Variants in FBXL20 observed in about 807,000 individuals in gnomAD.
FBXL20 encodes the protein F-box and leucine rich repeat protein 20, also known as F-box/LRR-repeat protein 20.
Under a neutral mutation model 64.0 loss-of-function variants are expected in FBXL20, and 11 were observed. That is an observed-to-expected ratio of 0.17 (90% CI 0.11 to 0.28). The LOEUF (loss-of-function observed/expected upper bound fraction) is 0.28, where lower values mean the gene tolerates loss of function less well. Among genes scored for constraint, FBXL20 ranks in the 10% least tolerant of loss-of-function variants. The pLI is 1.00. For synonymous variants in FBXL20, 184 were observed against 189.0 expected (o/e 0.97, Z 0.22); for missense variants, 303 against 526.2 (o/e 0.58, Z 4.15).
intron 9 of FBXL20, among the ~76,000 whole-genome samples, 164 bp downstream of exon 9, chr17:39,281,219 GGAATGA>G (rs766371284): frequency 2.0e-5 from 3 of 152,116 alleles, no homozygotes; most frequent in Non-Finnish European, 4.4e-5. Flanking sequence ...AAGGCCCCTA[GGAATGA>G]GTATTGTTAA....
intron 1 of FBXL20, among the ~76,000 whole-genome samples, chr17:39,383,885 G>A (rs1367730152): frequency 2.0e-5 from 3 of 150,706 alleles, no homozygotes; most frequent in South Asian, 4.2e-4. Context: ...CCACCGTGCC[G>A]GGCTACTTTG....
At chr17:39,365,911 C>T (rs188497063) in intron 1 of FBXL20, among the ~76,000 whole-genome samples, 14 of 152,312 alleles carry the variant, frequency 9.2e-5, no homozygotes, top group African/African-American at 3.4e-4. Flanking sequence ...CTCCTCCTTC[C>T]TCCATTTCCC....
At chr17:39,334,443 G>A (rs901671718) in intron 2 of FBXL20, among the ~76,000 whole-genome samples, 2 of 147,884 alleles carry the variant, frequency 1.4e-5, no homozygotes, top group Non-Finnish European at 1.5e-5. Context: ...CCCCCTCTCC[G>A]AGAAACACCC....
rs190723937 is a variant in FBXL20, at chr17:39,253,259, C to T, written c.*8201G>A. 646 of 152,490 alleles carry T rather than the reference C, an allele frequency of 4.2e-3. 21 individuals carry two copies. Among genetic ancestry groups the T allele is most frequent in the Non-Finnish European group, 8.8e-4 (60 of 68,084 alleles). 9.4% of individuals were successfully genotyped at this position (152,490 alleles called of 1,614,324 possible). Reference sequence around the variant, plus strand: ...AGTCCTCACAGTTCTCTGAGCTCTGCACAGGCCACATTATTCGGATCTGTA... The same window carrying T: ...AGTCCTCACAGTTCTCTGAGCTCTGTACAGGCCACATTATTCGGATCTGTA... On this transcript the variant is annotated 3_prime_UTR_variant, in exon 15 of 15. Transcript: ENST00000264658.
intron 1 of FBXL20, among the ~76,000 whole-genome samples, chr17:39,355,082 C>CCA (rs2047722832): frequency 6.6e-6 from 1 of 152,168 alleles, no homozygotes; most frequent in Non-Finnish European, 1.5e-5. Flanking sequence ...TAGGCATGCG[C>CCA]CACCATGCCC....
chr17:39,336,488 TAGAAC>T (rs1196693865), intron 2 of FBXL20, among the ~76,000 whole-genome samples: 1 of 152,080 alleles, frequency 6.6e-6, no homozygotes, highest in East Asian at 1.9e-4. Context: ...TAACTATAAA[TAGAAC>T]AGATGGGAAA....
chr17:39,388,463 A>C (rs2048102865), intron 1 of FBXL20, among the ~76,000 whole-genome samples: 2 of 151,792 alleles, frequency 1.3e-5, no homozygotes, highest in Admixed American at 1.3e-4. Context: ...CTGTCTCAAA[A>C]AAAAAAAGTT....
chr17:39,366,808 A>G (rs2047864193), intron 1 of FBXL20, among the ~76,000 whole-genome samples: 1 of 151,172 alleles, frequency 6.6e-6, no homozygotes, highest in African/African-American at 2.4e-5. Context: ...AGCTTTTAGT[A>G]TATTCTCTTT....
At chr17:39,323,215 C>T (rs903319698) in intron 2 of FBXL20, among the ~76,000 whole-genome samples, 1 of 151,866 alleles carries the variant, frequency 6.6e-6, no homozygotes, top group African/African-American at 2.4e-5. Flanking sequence ...GTGATCCGCC[C>T]GCCTCGGCCT....
At chr17:39,364,836 C>A (rs930805347) in intron 1 of FBXL20, among the ~76,000 whole-genome samples, 6 of 152,062 alleles carry the variant, frequency 3.9e-5, no homozygotes, top group African/African-American at 1.4e-4. Flanking sequence ...ACACGTAAGC[C>A]CCACTCAAGT....
At position 39,260,894 on chromosome 17, in the gene FBXL20, G is replaced by A. The variant is rs2046739608; in HGVS notation, c.*566C>T. On this transcript the variant is annotated 3_prime_UTR_variant, in exon 15 of 15. Transcript: ENST00000264658. Reference sequence around the variant, plus strand: ...CTCTGGGCCAAATACTAAAACACAGGAGGAATGGACGAGCCTTCTTTGTGA... The same window carrying A: ...CTCTGGGCCAAATACTAAAACACAGAAGGAATGGACGAGCCTTCTTTGTGA... 6.4e-6 allele frequency: 1 copy of A among 155,818 alleles called. No homozygotes were observed. The highest frequency in any genetic ancestry group is 6.2e-5 in the Admixed American group (1 of 16,002). 9.7% of individuals were successfully genotyped at this position (155,818 alleles called of 1,614,324 possible). A position where few individuals can be genotyped will look rare whatever the true frequency, so the allele number is the denominator to read the frequency against.
At chr17:39,323,238 G>T (rs1345561920) in intron 2 of FBXL20, among the ~76,000 whole-genome samples, 1 of 152,008 alleles carries the variant, frequency 6.6e-6, no homozygotes, top group Non-Finnish European at 1.5e-5. Flanking sequence ...CAAAGTGCTG[G>T]GATTACAGGT....
intron 1 of FBXL20, among the ~76,000 whole-genome samples, chr17:39,368,515 AC>A (rs1282637133): frequency 6.6e-6 from 1 of 152,158 alleles, no homozygotes; most frequent in African/African-American, 2.4e-5. Context: ...TCTCTTTCCT[AC>A]CAAGTCCTGA....
chr17:39,297,943 G>T (rs955748677), intron 5 of FBXL20, among the ~76,000 whole-genome samples: 1 of 151,966 alleles, frequency 6.6e-6, no homozygotes, highest in Non-Finnish European at 1.5e-5. Context: ...CACCATGTTG[G>T]TCAGGCTGGT....
chr17:39,401,968 G>T (rs1273680401), upstream of FBXL20: 3 of 452,270 alleles, frequency 6.6e-6, no homozygotes, highest in Non-Finnish European at 1.1e-5. Context: ...GCGAGGGAGA[G>T]TAGAGCAGTA....
At chr17:39,384,690 C>T (rs1320153959) in intron 1 of FBXL20, among the ~76,000 whole-genome samples, 4 of 152,094 alleles carry the variant, frequency 2.6e-5, no homozygotes, top group Non-Finnish European at 5.9e-5. Context: ...GGCACGGTGG[C>T]TCACGCCTAT....
intron 1 of FBXL20, among the ~76,000 whole-genome samples, chr17:39,385,169 C>T (rs950374500): frequency 2.6e-5 from 4 of 151,958 alleles, no homozygotes; most frequent in Admixed American, 6.6e-5. Context: ...CTGCAGTGAG[C>T]TATGATGGCG....
chr17:39,312,955 G>C (rs1210342232), intron 2 of FBXL20, among the ~76,000 whole-genome samples: 1 of 129,018 alleles, frequency 7.8e-6, no homozygotes, highest in Non-Finnish European at 1.6e-5. Context: ...GGCGCATCCT[G>C]TTGCCCAGAC....
chr17:39,401,209 G>A (rs906979839), intron 1 of FBXL20, 152 bp downstream of exon 1: 40 of 1,492,104 alleles, frequency 2.7e-5, no homozygotes, highest in Non-Finnish European at 3.3e-5. Flanking sequence ...CTGGGCTTCT[G>A]GGTCGCAAGA....
Sources: allele counts gnomAD v4.1 joint callset (sites outside exome capture counted in the v4.1 genomes callset), GRCh38; gene constraint gnomAD v4.1.1; transcripts MANE v1.5; gene names NCBI Gene and HGNC (gene_info 2026-07-23, HGNC 2026-07-21).